PLA2G4D: variants seen among roughly 807,000 people sequenced by gnomAD.
PLA2G4D encodes the protein phospholipase A2 group IVD.
In PLA2G4D, 80 loss-of-function variants were observed where a neutral mutation model predicts 94.4. The observed-to-expected ratio is 0.85, with a 90% CI of 0.71 to 1.02. The LOEUF (loss-of-function observed/expected upper bound fraction) is 1.02. Ranked by LOEUF, PLA2G4D falls within the 50% of genes least tolerant of loss-of-function variation. PLA2G4D has a pLI of 0.00. For synonymous variants in PLA2G4D, 438 were observed against 440.9 expected (o/e 0.99, Z 0.08); for missense variants, 1,050 against 1,034.7 (o/e 1.01, Z -0.20).
intron 12 of PLA2G4D, 49 bp from the exon 13 acceptor site, chr15:42,079,808 G>A (rs1159272888): frequency 2.6e-6 from 4 of 1,555,100 alleles, no homozygotes; most frequent in Non-Finnish European, 3.5e-6. Flanking sequence ...CCCAGCATGG[G>A]GCGCTGCAAC....
Position 42,083,203 on chromosome 15 carries a change from G to A in PLA2G4D, c.667C>T (p.Leu223=), listed in dbSNP as rs751707199. The change falls in exon 8 of 20, where the codon CTG becomes TTG. Residue 223 remains leucine (L), a synonymous_variant. Transcript: ENST00000290472. The part of the protein sequence containing the change: ...AALETELSGR[L]RSSRSNGWNG... ...GGTCTAGAGCCAAGACCCACCCTCA[G>A]GCGCCCGCTCAGCTCTGTCTCTAGG... is the stretch of plus-strand genomic sequence containing the variant. 1 of 1,613,494 alleles carries A rather than the reference G, an allele frequency of 6.2e-7. No individual in the cohort carries two copies. The highest frequency in any genetic ancestry group is 2.2e-5 in the East Asian group (1 of 44,878).
intron 1 of PLA2G4D, among the ~76,000 whole-genome samples, chr15:42,093,457 TGGGAC>T (rs988932890): frequency 6.6e-6 from 1 of 152,190 alleles, no homozygotes; most frequent in African/African-American, 2.4e-5. Flanking sequence ...GGGCTCCTGA[TGGGAC>T]GGGTGGTGGA....
chr15:42,072,610 A>G (rs1595591008), intron 13 of PLA2G4D, among the ~76,000 whole-genome samples: 1 of 152,242 alleles, frequency 6.6e-6, no homozygotes, highest in African/African-American at 2.4e-5. Context: ...CAGGCTGTGT[A>G]CTATGAATCT....
chr15:42,088,668 C>T (rs1253757303), intron 1 of PLA2G4D, among the ~76,000 whole-genome samples: 3 of 152,172 alleles, frequency 2.0e-5, no homozygotes, highest in Non-Finnish European at 4.4e-5. Flanking sequence ...TGTGGGCTGA[C>T]CCCAAGGAAG....
chr15:42,083,117 C>T (rs902175774), intron 8 of PLA2G4D, 81 bp downstream of exon 8: 30 of 1,536,320 alleles, frequency 2.0e-5, no homozygotes, highest in Non-Finnish European at 2.5e-5. Context: ...CCCTGGTGGG[C>T]AGGGAAGGCA....
rs770585872 is a variant in PLA2G4D, at chr15:42,070,779, G to A, written c.1981C>T (p.Arg661Trp). 1.6e-5 allele frequency: 26 copies of A among 1,598,520 alleles called. No individual in the cohort carries two copies. The highest frequency in any genetic ancestry group is 4.5e-5 in the East Asian group (2 of 44,346). Residue 661 changes from arginine to tryptophan, a missense_variant, in exon 18 of 20, where the codon CGG (arginine) becomes TGG (tryptophan). Transcript: ENST00000290472. ...FINTSSPSMF[R>W]PGRRLDLILS... ...ATGAGGTCCAGCCTGCGGCCTGGCC[G>A]GAACATGGAGGGAGAGCTGGTGTTG... is the stretch of plus-strand genomic sequence containing the variant.
At chr15:42,071,087 C>A (rs763319016) in intron 17 of PLA2G4D, 36 bp downstream of exon 17, 1 of 1,592,298 alleles carries the variant, frequency 6.3e-7, no homozygotes, top group Non-Finnish European at 8.5e-7. Context: ...AGAGGCCCAA[C>A]CTTGTGACCT....
rs1889773003 is a variant in PLA2G4D at position 42,070,078 on chromosome 15, C to G, written c.2061G>C (p.Glu687Asp). The G allele has an allele frequency of 6.6e-7, 1 of 1,516,730 alleles. No homozygotes were observed. The highest frequency in any genetic ancestry group is 8.8e-7 in the Non-Finnish European group (1 of 1,133,250). The allele number at this position is 1,516,730 out of a possible 1,614,324, so 94.0% of individuals were successfully genotyped here. A position where few individuals can be genotyped will look rare whatever the true frequency, so the allele number is the denominator to read the frequency against. The change falls in exon 19 of 20, where the codon GAG (glutamate) becomes GAC (aspartate). Residue 687 changes from glutamate to aspartate, a missense_variant. Physicochemically the swap from Glu to Asp is conservative, Grantham distance 45. Coordinates refer to ENST00000290472, the MANE Select transcript of PLA2G4D (RefSeq NM_178034.4). ...SAPFEALQQT[E>D]LYCRARGLPF... ...GCAGCCCCCGGGCCCGGCAGTACAG[C>G]TCCGTCTGCTGCAGTGCCTGGTGGG... is the stretch of plus-strand genomic sequence containing the variant.
intron 1 of PLA2G4D, among the ~76,000 whole-genome samples, chr15:42,089,265 C>T (rs992986972): frequency 3.3e-5 from 5 of 152,284 alleles, no homozygotes; most frequent in Admixed American, 1.3e-4. Flanking sequence ...CACAAGGACT[C>T]GTACCCGCTC....
chr15:42,087,606 A>C (rs1319555384), intron 2 of PLA2G4D, 22 bp downstream of exon 2: 1 of 1,613,876 alleles, frequency 6.2e-7, no homozygotes, highest in Admixed American at 1.7e-5. Flanking sequence ...CTCCCGACAG[A>C]GCGCACAGGG....
In PLA2G4D at chr15:42,081,621, C is replaced by A; in HGVS notation, c.822-7G>T. 1 of 1,613,698 alleles carries A rather than the reference C, an allele frequency of 6.2e-7. No homozygotes were observed. Among genetic ancestry groups the A allele is most frequent in the Non-Finnish European group, 8.5e-7 (1 of 1,179,724 alleles). On this transcript the variant is annotated splice_polypyrimidine_tract_variant and splice_region_variant and intron_variant, in intron 10 of 19. Coordinates refer to ENST00000290472, the MANE Select transcript of PLA2G4D (RefSeq NM_178034.4). ...CACGGCCAGCTCCTCAGGGCTGTGGCAATGGAGGATCCAGGGGTCAGGGGA... is the reference window on the plus strand; with the variant it reads ...CACGGCCAGCTCCTCAGGGCTGTGGAAATGGAGGATCCAGGGGTCAGGGGA...
Position 42,071,768 on chromosome 15 carries a change from C to A in PLA2G4D, c.1573+6G>T, listed in dbSNP as rs762626365. The A allele has an allele frequency of 1.2e-6, 2 of 1,613,962 alleles. No individual in the cohort carries two copies. Among genetic ancestry groups the A allele is most frequent in the Non-Finnish European group, 1.7e-6 (2 of 1,179,956 alleles). On this transcript the variant is annotated splice_donor_region_variant and intron_variant, in intron 15 of 19. Coordinates refer to ENST00000290472, the MANE Select transcript of PLA2G4D (RefSeq NM_178034.4). ...TGCCCAGGGCCTTCAGAGCCACCACCCTCACCTTCCAGAAAGCAGATCCGG... is the reference window on the plus strand; with the variant it reads ...TGCCCAGGGCCTTCAGAGCCACCACACTCACCTTCCAGAAAGCAGATCCGG...
chr15:42,083,694 C>T, intron 7 of PLA2G4D, 22 bp downstream of exon 7: 1 of 1,613,744 alleles, frequency 6.2e-7, no homozygotes. Context: ...AGAGTCCAGG[C>T]CTGGTTCTAA....
At chr15:42,092,240 A>C (rs1417116307) in intron 1 of PLA2G4D, among the ~76,000 whole-genome samples, 2 of 152,214 alleles carry the variant, frequency 1.3e-5, no homozygotes, top group African/African-American at 4.8e-5. Context: ...ATTGAGGCTC[A>C]GAGAGGCTAA....
At chr15:42,069,806 T>C (rs1889765233) in intron 19 of PLA2G4D, 103 bp downstream of exon 19, 1 of 1,103,078 alleles carries the variant, frequency 9.1e-7, no homozygotes. Context: ...TGAAGCCTTC[T>C]CCTGGCAGAC....
intron 1 of PLA2G4D, among the ~76,000 whole-genome samples, chr15:42,091,845 CCTCT>C (rs575737616): frequency 1.3e-5 from 2 of 151,880 alleles, no homozygotes; most frequent in Non-Finnish European, 2.9e-5. Context: ...CTCTTTGTCT[CCTCT>C]CTCTCTCTGC....
At chr15:42,075,470 A>G (rs1377106925) in intron 13 of PLA2G4D, among the ~76,000 whole-genome samples, 2 of 152,274 alleles carry the variant, frequency 1.3e-5, no homozygotes, top group East Asian at 3.8e-4. Flanking sequence ...AAGACTACAT[A>G]GCACATAGTA....
chr15:42,072,606 G>A (rs1889849433), intron 13 of PLA2G4D, among the ~76,000 whole-genome samples: 1 of 152,174 alleles, frequency 6.6e-6, no homozygotes, highest in Non-Finnish European at 1.5e-5. Flanking sequence ...CATGCAGGCT[G>A]TGTACTATGA....
intron 8 of PLA2G4D, 60 bp downstream of exon 8, chr15:42,083,138 C>A (rs573296678): frequency 4.5e-6 from 7 of 1,565,984 alleles, no homozygotes; most frequent in Admixed American, 1.8e-5. Context: ...GGGAGGGGCC[C>A]GCTGCAGCTG....
Sources: allele counts gnomAD v4.1 joint callset (sites outside exome capture counted in the v4.1 genomes callset), GRCh38; gene constraint gnomAD v4.1.1; transcripts MANE v1.5; gene names NCBI Gene and HGNC (gene_info 2026-07-23, HGNC 2026-07-21).